The following CNTN5 variants were observed in gnomAD, a reference collection of about 807,000 sequenced individuals.
CNTN5 encodes contactin 5.
Under a neutral mutation model 129.1 loss-of-function variants are expected in CNTN5, and 77 were observed. The ratio of observed to expected loss-of-function variants is 0.60; its 90% CI spans 0.50 to 0.72. The LOEUF is 0.72. CNTN5 is among the 30% of genes least tolerant of loss of function. CNTN5 has a pLI of 0.00. For missense variants in CNTN5, 1,478 were observed against 1,328.8 expected, an observed-to-expected ratio of 1.11 and a Z score of -1.75; for synonymous variants, 509 against 465.6, an observed-to-expected ratio of 1.09 and a Z score of -1.20.
chr11:100,318,134 G>T (rs973574704), intron 21 of CNTN5, among the ~76,000 whole-genome samples: 1 of 151,286 alleles, frequency 6.6e-6, no homozygotes, highest in Non-Finnish European at 1.5e-5. Context: ...CCAGCTACTC[G>T]GTAGGCTGAG....
chr11:99,631,494 G>A (rs1019753675), intron 3 of CNTN5, among the ~76,000 whole-genome samples: 4 of 151,770 alleles, frequency 2.6e-5, no homozygotes, highest in Non-Finnish European at 5.9e-5. Flanking sequence ...GCTGAAAATT[G>A]TAGTTAAACC....
At chr11:99,296,533 A>C (rs1864397778) in intron 1 of CNTN5, among the ~76,000 whole-genome samples, 1 of 152,246 alleles carries the variant, frequency 6.6e-6, no homozygotes, top group East Asian at 1.9e-4. Flanking sequence ...CATGCACTGC[A>C]AATGACAATT....
intron 2 of CNTN5, among the ~76,000 whole-genome samples, chr11:99,376,924 C>G (rs569016344): frequency 5.3e-5 from 8 of 152,232 alleles, no homozygotes; most frequent in African/African-American, 1.9e-4. Flanking sequence ...GATTTATTAA[C>G]TTTTTGCAGG....
At chr11:99,456,424 A>G (rs919133081) in intron 2 of CNTN5, among the ~76,000 whole-genome samples, 5 of 152,174 alleles carry the variant, frequency 3.3e-5, no homozygotes, top group Admixed American at 2.0e-4. Context: ...AAAGTAAAAC[A>G]CATTTTAAAT....
chr11:99,193,918 G>T (rs191551729), intron 1 of CNTN5, among the ~76,000 whole-genome samples: 1 of 152,102 alleles, frequency 6.6e-6, no homozygotes, highest in African/African-American at 2.4e-5. Context: ...TTCATAAGAG[G>T]TAAAGAAAAC....
At chr11:99,274,275 C>T (rs1037417774) in intron 1 of CNTN5, among the ~76,000 whole-genome samples, 6 of 151,784 alleles carry the variant, frequency 4.0e-5, no homozygotes, top group East Asian at 1.9e-4. Context: ...TCTATGATAT[C>T]GTGGTGACAG....
At chr11:99,032,012 C>A (rs374971559) in intron 1 of CNTN5, among the ~76,000 whole-genome samples, 1 of 147,812 alleles carries the variant, frequency 6.8e-6, no homozygotes, top group Non-Finnish European at 1.5e-5. Context: ...TGAGAATATG[C>A]GGTGTTTGGT....
intron 3 of CNTN5, among the ~76,000 whole-genome samples, chr11:99,772,022 A>G (rs137902795): frequency 0.015 from 2,281 of 152,088 alleles, 150 homozygotes; most frequent in Admixed American, 0.1. Flanking sequence ...AGTCTATAAA[A>G]GAAAGTACAA....
intron 13 of CNTN5, among the ~76,000 whole-genome samples, chr11:100,147,933 G>C (rs1306567687): frequency 2.0e-5 from 3 of 152,064 alleles, no homozygotes; most frequent in Admixed American, 6.6e-5. Context: ...AATTTAGAAG[G>C]TGTATGTTTG....
At chr11:99,689,592 CT>C (rs1180821747) in intron 3 of CNTN5, among the ~76,000 whole-genome samples, 3 of 142,438 alleles carry the variant, frequency 2.1e-5, no homozygotes, top group Non-Finnish European at 3.0e-5. Context: ...GCATCTGTTA[CT>C]TTTTTTTGAC....
chr11:99,937,905 T>C (rs1479336229), intron 7 of CNTN5, among the ~76,000 whole-genome samples: 1 of 152,240 alleles, frequency 6.6e-6, no homozygotes, highest in Non-Finnish European at 1.5e-5. Flanking sequence ...TAGCCTGTTG[T>C]GCATAGAAGA....
intron 14 of CNTN5, 123 bp from the exon 15 acceptor site, chr11:100,193,365 T>C: frequency 5.3e-6 from 3 of 564,430 alleles, no homozygotes; most frequent in Non-Finnish European, 2.9e-6. Context: ...AAAAAGCTGG[T>C]ATATGTATCT....
intron 9 of CNTN5, among the ~76,000 whole-genome samples, chr11:100,054,850 A>G (rs762708095): frequency 6.6e-6 from 1 of 151,608 alleles, no homozygotes; most frequent in Non-Finnish European, 1.5e-5. Flanking sequence ...TGAGGTAACA[A>G]TTTTGTACTT....
intron 7 of CNTN5, among the ~76,000 whole-genome samples, chr11:99,938,750 T>C (rs1053861720): frequency 6.6e-6 from 1 of 152,128 alleles, no homozygotes; most frequent in African/African-American, 2.4e-5. Flanking sequence ...ACTTAAATCA[T>C]TTCTATGTAA....
intron 9 of CNTN5, among the ~76,000 whole-genome samples, chr11:100,049,738 T>C (rs1029273630): frequency 5.9e-5 from 9 of 151,826 alleles, no homozygotes; most frequent in African/African-American, 2.2e-4. Flanking sequence ...GACAAAGGGC[T>C]AATATCCAGA....
chr11:99,874,517 T>A (rs1281927336), intron 6 of CNTN5, among the ~76,000 whole-genome samples: 1 of 152,186 alleles, frequency 6.6e-6, no homozygotes, highest in Non-Finnish European at 1.5e-5. Context: ...TTTGTGTTGT[T>A]AGTAGCTATT....
chr11:99,890,071 T>C (rs1259452540), intron 6 of CNTN5, among the ~76,000 whole-genome samples: 2 of 152,202 alleles, frequency 1.3e-5, no homozygotes, highest in East Asian at 1.9e-4. Context: ...AATAAATTAT[T>C]ACTCATGGAC....
intron 1 of CNTN5, among the ~76,000 whole-genome samples, chr11:99,210,814 C>T (rs1859735457): frequency 6.6e-6 from 1 of 151,632 alleles, no homozygotes; most frequent in South Asian, 2.1e-4. Context: ...TAATAATAGC[C>T]TAACATTTTC....
intron 2 of CNTN5, among the ~76,000 whole-genome samples, chr11:99,462,702 T>G (rs924660986): frequency 5.3e-5 from 8 of 152,204 alleles, no homozygotes; most frequent in African/African-American, 1.9e-4. Flanking sequence ...AAACCTATAC[T>G]GTAATTGTCA....
Sources: allele counts gnomAD v4.1 joint callset (sites outside exome capture counted in the v4.1 genomes callset), GRCh38; gene constraint gnomAD v4.1.1; transcripts MANE v1.5; gene names NCBI Gene and HGNC (gene_info 2026-07-23, HGNC 2026-07-21).